Variants in KANK1 observed in about 807,000 individuals in gnomAD.
KANK1 encodes KN motif and ankyrin repeat domain-containing protein 1.
Under a neutral mutation model 106.2 loss-of-function variants are expected in KANK1, and 109 were observed. That is an observed-to-expected ratio of 1.03 (90% CI 0.88 to 1.20). The LOEUF (loss-of-function observed/expected upper bound fraction) is 1.20, where lower values mean the gene tolerates loss of function less well. Ranked by LOEUF, KANK1 falls within the 50% of genes most tolerant of loss-of-function variation. The pLI, the probability that KANK1 is intolerant of heterozygous loss-of-function variation, is 0.00. For missense variants in KANK1, 2,399 were observed against 1,710.7 expected, an observed-to-expected ratio of 1.40 and a Z score of -7.10; for synonymous variants, 873 against 652.2, an observed-to-expected ratio of 1.34 and a Z score of -5.16.
intron 3 of KANK1, among the ~76,000 whole-genome samples, chr9:496,020 G>A (rs1243358637): frequency 6.6e-6 from 1 of 152,064 alleles, no homozygotes; most frequent in Non-Finnish European, 1.5e-5. Flanking sequence ...CAGCTGGAAG[G>A]GGTCAGGGTG....
chr9:506,544 G>A (rs1218910110), intron 1 of KANK1, among the ~76,000 whole-genome samples: 2 of 152,040 alleles, frequency 1.3e-5, no homozygotes, highest in African/African-American at 4.8e-5. Flanking sequence ...GTGTGTGTGT[G>A]TGTGCGTGTG....
At position 729,875 on chromosome 9, in the gene KANK1, G is replaced by T. The variant is rs564383286; in HGVS notation, c.2699-176G>T. ...CTGTGGAGTTAGAATGACGAGGCCC[G>T]GCAGTCTGCCTACGCTAATGAAATC... On this transcript the variant is annotated intron_variant, in intron 3 of 11. Coordinates refer to ENST00000382297, the MANE Select transcript of KANK1 (RefSeq NM_015158.5). 2.0e-5 allele frequency among the ~76,000 whole-genome samples: 3 copies of T among 152,274 alleles called. No homozygotes were observed. In the East Asian group the frequency reaches 5.8e-4, roughly 29 times the overall value.
Position 611,489 on chromosome 9 carries a change from C to T in KANK1, c.-83-65401C>T, listed in dbSNP as rs138483927. 3.1e-3 allele frequency among the ~76,000 whole-genome samples: 475 copies of T among 152,268 alleles called. 5 individuals carry two copies. The Middle Eastern group carries it at 0.034, about 11-fold the overall frequency. On this transcript the variant is annotated intron_variant, in intron 1 of 11. Transcript: ENST00000382297. ...CATGCTTTTCAGATGTGTCTTAGTG[C>T]CTGCTCCTTGCACAGAAGCTGAATC...
At chr9:744,648 C>A in intron 11 of KANK1, 59 bp downstream of exon 11, 2 of 1,613,564 alleles carry the variant, frequency 1.2e-6, no homozygotes, top group South Asian at 1.1e-5. Flanking sequence ...CTGGTGGACC[C>A]CCTTCCTCCA....
intron 1 of KANK1, among the ~76,000 whole-genome samples, chr9:646,939 C>G (rs538827869): frequency 6.6e-6 from 1 of 150,748 alleles, no homozygotes; most frequent in East Asian, 1.9e-4. Context: ...CTGAAGTAAT[C>G]CACCCGCCTC....
Position 711,350 on chromosome 9 carries a change from C to T in KANK1, c.584C>T (p.Ser195Phe), listed in dbSNP as rs779935555. ...TTTGGAGGCATGGGCACCACAAGCT[C>T]CCTCCCTTCTTTTGTGGGTTCTGGA... Reference protein sequence around the residue: ...ASFGGMGTTSSLPSFVGSGNH... With the variant: ...ASFGGMGTTSFLPSFVGSGNH... Residue 195 changes from serine (S) to phenylalanine (F), a missense_variant, in exon 3 of 12, where the codon TCC becomes TTC. By Grantham distance (155) the Ser-to-Phe change is radical (BLOSUM62 -2). Coordinates refer to ENST00000382297, the MANE Select transcript of KANK1 (RefSeq NM_015158.5). 6.2e-7 allele frequency: 1 copy of T among 1,614,124 alleles called. No individual in the cohort carries two copies. The highest frequency in any genetic ancestry group is 8.5e-7 in the Non-Finnish European group (1 of 1,180,038).
upstream of KANK1, among the ~76,000 whole-genome samples, chr9:502,003 A>G (rs1430142993): frequency 1.3e-5 from 2 of 152,208 alleles, no homozygotes; most frequent in Admixed American, 1.3e-4. Flanking sequence ...TCATCAGTAA[A>G]TGGTATAATG....
At chr9:668,416 A>C (rs911307766) in intron 1 of KANK1, among the ~76,000 whole-genome samples, 1 of 152,182 alleles carries the variant, frequency 6.6e-6, no homozygotes, top group Non-Finnish European at 1.5e-5. Context: ...CAGTCCATCA[A>C]ATGTATTAAT....
At chr9:671,623 A>AAAAAAAAAAAAAAAAAAAGAAG (rs79437342) in intron 1 of KANK1, among the ~76,000 whole-genome samples, 6 of 103,630 alleles carry the variant, frequency 5.8e-5, no homozygotes, top group East Asian at 3.2e-4. Flanking sequence ...CTCAAAAAAA[A>AAAAAAAAAAAAAAAAAAAGAAG]AAAAGAGTGT....
At chr9:515,630 T>C (rs1355861978) in intron 1 of KANK1, among the ~76,000 whole-genome samples, 1 of 151,824 alleles carries the variant, frequency 6.6e-6, no homozygotes. Context: ...GTCTATTTAT[T>C]TTTGCCTTTC....
chr9:509,353 C>T (rs997097121), intron 1 of KANK1, among the ~76,000 whole-genome samples: 1 of 152,204 alleles, frequency 6.6e-6, no homozygotes, highest in African/African-American at 2.4e-5. Context: ...ACCTCGGCCT[C>T]CCAAAGTGCT....
At chr9:728,608 T>C (rs1438796845) in intron 3 of KANK1, among the ~76,000 whole-genome samples, 1 of 152,198 alleles carries the variant, frequency 6.6e-6, no homozygotes, top group Non-Finnish European at 1.5e-5. Context: ...CCAGGAGAGA[T>C]TCAGAGTCTG....
intron 3 of KANK1, among the ~76,000 whole-genome samples, chr9:473,830 G>C (rs1420057722): frequency 6.6e-6 from 1 of 152,048 alleles, no homozygotes; most frequent in African/African-American, 2.4e-5. Context: ...CTCCTGAGTA[G>C]CTGGGACTGC....
At chr9:585,480 G>A (rs1823229564) in intron 1 of KANK1, among the ~76,000 whole-genome samples, 1 of 152,162 alleles carries the variant, frequency 6.6e-6, no homozygotes. Context: ...ATTAATAAAA[G>A]ACGCTTACCT....
intron 1 of KANK1, among the ~76,000 whole-genome samples, chr9:563,927 T>A (rs1817140548): frequency 1.3e-5 from 2 of 152,124 alleles, no homozygotes; most frequent in African/African-American, 4.8e-5. Context: ...CACTGGTGCT[T>A]TTTTTCTTTC....
chr9:618,736 C>T (rs1232793070), intron 1 of KANK1, among the ~76,000 whole-genome samples: 2 of 152,048 alleles, frequency 1.3e-5, no homozygotes, highest in African/African-American at 4.8e-5. Flanking sequence ...ACCACAACAT[C>T]CAAACTGGTC....
At chr9:569,826 G>A (rs144393743) in intron 1 of KANK1, among the ~76,000 whole-genome samples, 40 of 151,204 alleles carry the variant, frequency 2.6e-4, no homozygotes, top group African/African-American at 9.7e-4. Flanking sequence ...AACAGATTGG[G>A]TGTTTTTTTT....
chr9:493,968 C>G (rs954526281), intron 3 of KANK1, among the ~76,000 whole-genome samples: 1 of 151,546 alleles, frequency 6.6e-6, no homozygotes, highest in East Asian at 1.9e-4. Flanking sequence ...CCACAACTTA[C>G]ACCTCCCGGG....
At position 537,098 on chromosome 9, in the gene KANK1, A is replaced by G. The variant is rs117737909; in HGVS notation, c.-84+32344A>G. 1.0e-3 allele frequency among the ~76,000 whole-genome samples: 152 copies of G among 152,314 alleles called. 4 individuals carry two copies. In the East Asian group the frequency reaches 0.026, roughly 26 times the overall value. ...CCTGCTTATGGTGAAATTAAGAACT[A>G]AAACTAAAACAACAGGAACCCTTTC... is the stretch of plus-strand genomic sequence containing the variant. On this transcript the variant is annotated intron_variant, in intron 1 of 11. Coordinates refer to ENST00000382297, the MANE Select transcript of KANK1 (RefSeq NM_015158.5).
Sources: gnomAD v4.1 joint callset for allele counts (sites outside exome capture counted in the v4.1 genomes callset) on GRCh38, gnomAD v4.1.1 for gene constraint, MANE v1.5 for transcripts, NCBI Gene and HGNC (gene_info 2026-07-23, HGNC 2026-07-21) for gene names.